NPHP4: variants seen among roughly 807,000 people sequenced by gnomAD.
NPHP4 encodes nephrocystin-4.
NPHP4 carries 151 observed loss-of-function variants against 155.8 expected under a neutral mutation model. The ratio of observed to expected loss-of-function variants is 0.97; its 90% CI spans 0.85 to 1.11. The LOEUF (loss-of-function observed/expected upper bound fraction) is 1.11, where lower values mean the gene tolerates loss of function less well. NPHP4 is among the 50% of genes least tolerant of loss of function. The probability of loss-of-function intolerance (pLI) is 0.00; values close to 1 mark genes in which losing one functional copy is unlikely to be tolerated. For missense variants in NPHP4, 1,956 were observed against 1,925.7 expected (o/e 1.02, Z -0.29); for synonymous variants, 845 against 816.8 (o/e 1.03, Z -0.59).
Position 5,933,264 on chromosome 1 carries a change from G to A in NPHP4, c.1185C>T (p.Asn395=), listed in dbSNP as rs769432822. 6.2e-6 allele frequency: 10 copies of A among 1,613,676 alleles called. No homozygotes were observed. The highest frequency in any genetic ancestry group is 3.3e-4 in the Middle Eastern group (2 of 6,042). The change falls in exon 10 of 30, where the codon AAC becomes AAT. Residue 395 remains asparagine (N), a synonymous_variant. Transcript: ENST00000378156. ...TTCCAGAATCAGCTTCCAGCAAGGG[G>A]TTCCAAACAGCCCAGCGGACCATGT... is the stretch of plus-strand genomic sequence containing the variant. ...CMHMVRWAVW[N]PLLEADSGRV... is the part of the protein sequence containing the mutation.
chr1:5,914,823 C>A (rs889455022), intron 11 of NPHP4, among the ~76,000 whole-genome samples: 2 of 152,180 alleles, frequency 1.3e-5, no homozygotes, highest in African/African-American at 4.8e-5. Flanking sequence ...TGGAGGCCAA[C>A]GTGTCCTTTC....
chr1:5,868,577 TAC>T (rs1249171626), intron 23 of NPHP4, among the ~76,000 whole-genome samples: 3 of 129,420 alleles, frequency 2.3e-5, no homozygotes, highest in African/African-American at 8.9e-5. Flanking sequence ...CCCATACACA[TAC>T]ACATACATGC....
chr1:5,936,607 A>T (rs1646554208), intron 9 of NPHP4, among the ~76,000 whole-genome samples: 1 of 152,256 alleles, frequency 6.6e-6, no homozygotes, highest in African/African-American at 2.4e-5. Flanking sequence ...ACAAATACAC[A>T]AAAGACAAAA....
intron 11 of NPHP4, among the ~76,000 whole-genome samples, 162 bp downstream of exon 11, chr1:5,927,487 G>A (rs546285768): frequency 6.6e-6 from 1 of 152,252 alleles, no homozygotes; most frequent in South Asian, 2.1e-4. Flanking sequence ...CTACACCTTG[G>A]TATTAAGCAA....
chr1:5,870,895 A>G (rs1287627), intron 23 of NPHP4, among the ~76,000 whole-genome samples: 46,034 of 152,154 alleles, frequency 0.3, 7,732 homozygotes, highest in South Asian at 0.41. Flanking sequence ...CATGGGCAGC[A>G]GGCTGGTGGG....
chr1:5,969,547 G>C (rs750631745), intron 3 of NPHP4, among the ~76,000 whole-genome samples: 6 of 152,156 alleles, frequency 3.9e-5, no homozygotes, highest in African/African-American at 9.7e-5. Flanking sequence ...CCATTCCCTA[G>C]GAATTCCACC....
chr1:5,926,939 G>T lies in NPHP4; in HGVS notation c.1441+710C>A, dbSNP rs139897549. ...ACCTTCAGTGGTGAGAGCTCCAGAC[G>T]CCTAGAGCCAAGGCCCCATACTCAT... On this transcript the variant is annotated intron_variant, in intron 11 of 29. Coordinates refer to ENST00000378156, the MANE Select transcript of NPHP4 (RefSeq NM_015102.5). 5.7e-3 allele frequency among the ~76,000 whole-genome samples: 866 copies of T among 152,282 alleles called. 10 individuals carry two copies. The highest frequency in any genetic ancestry group is 0.019 in the African/African-American group (771 of 41,546).
At chr1:5,969,355 G>A (rs796412823) in intron 3 of NPHP4, 96 bp from the exon 4 acceptor site, 43 of 700,628 alleles carry the variant, frequency 6.1e-5, no homozygotes, top group African/African-American at 2.5e-4. Flanking sequence ...CTTCCTACAC[G>A]TGCCACAGCA....
At position 5,919,050 on chromosome 1, in the gene NPHP4, A is replaced by G. The variant is rs915691507; in HGVS notation, c.1441+8599T>C. On this transcript the variant is annotated intron_variant, in intron 11 of 29. Transcript: ENST00000378156. ...CAGCTAACAATCTGTGCGTATCAAC[A>G]AAGTCTCATTAGAACACAGCCACGT... 9.2e-5 allele frequency among the ~76,000 whole-genome samples: 14 copies of G among 152,238 alleles called. No individual in the cohort carries two copies. In the East Asian group the frequency reaches 2.3e-3, roughly 25 times the overall value.
intron 9 of NPHP4, among the ~76,000 whole-genome samples, chr1:5,945,857 C>T (rs896090574): frequency 6.6e-6 from 1 of 152,130 alleles, no homozygotes; most frequent in Non-Finnish European, 1.5e-5. Context: ...ATCCCTAAGT[C>T]CTAAATTGCG....
At chr1:5,873,973 T>C in intron 22 of NPHP4, 1 of 210,486 alleles carries the variant, frequency 4.8e-6, no homozygotes, top group Non-Finnish European at 9.5e-6. Flanking sequence ...ACCTCACATA[T>C]CGCCCCTGCA....
intron 16 of NPHP4, among the ~76,000 whole-genome samples, chr1:5,897,486 G>T (rs184166445): frequency 2.0e-5 from 3 of 152,204 alleles, no homozygotes. Flanking sequence ...AAGTGTTCAT[G>T]CTGAGATCCA....
intron 5 of NPHP4, among the ~76,000 whole-genome samples, chr1:5,963,936 C>T (rs1245435926): frequency 1.3e-5 from 2 of 152,170 alleles, no homozygotes; most frequent in Non-Finnish European, 1.5e-5. Context: ...GATCTGCCTG[C>T]CTTGGCCTCC....
intron 5 of NPHP4, among the ~76,000 whole-genome samples, chr1:5,963,561 G>T (rs570618522): frequency 6.6e-6 from 1 of 152,064 alleles, no homozygotes. Flanking sequence ...AGGAGAAATA[G>T]GAAAAGACTC....
At chr1:5,888,538 T>G in intron 17 of NPHP4, 9 of 1,346,898 alleles carry the variant, frequency 6.7e-6, no homozygotes, top group Non-Finnish European at 8.8e-6. Context: ...CTACACTGCA[T>G]ACGATCACTG....
Position 5,933,322 on chromosome 1 carries a change from G to A in NPHP4, c.1127C>T (p.Ser376Leu), listed in dbSNP as rs372414566. The change falls in exon 10 of 30, where the codon TCG (serine) becomes TTG (leucine). Residue 376 changes from serine (S) to leucine (L), a missense_variant. Ser to Leu is a moderately radical substitution (Grantham distance 145, BLOSUM62 -2). Transcript: ENST00000378156. ...TGCCAGGTTGGACAGAGAGGTGACCGAAGCTGCCTAGAATTAAAACAAAGC... is the reference window on the plus strand; with the variant it reads ...TGCCAGGTTGGACAGAGAGGTGACCAAAGCTGCCTAGAATTAAAACAAAGC... The part of the protein sequence containing the change: ...SPAGVDGNAA[S>L]VTSLSNLACM... 83 of 1,612,298 alleles carry A rather than the reference G, an allele frequency of 5.1e-5. No homozygotes were observed. In the African/African-American group the frequency reaches 7.1e-4, roughly 14 times the overall value.
chr1:5,986,442 C>G (rs1358180877), intron 1 of NPHP4, 115 bp from the exon 2 acceptor site: 12 of 820,290 alleles, frequency 1.5e-5, no homozygotes, highest in Non-Finnish European at 2.2e-5. Flanking sequence ...CCCCCAAACC[C>G]ACACTCTGCA....
intron 5 of NPHP4, among the ~76,000 whole-genome samples, chr1:5,962,336 T>C (rs1650482997): frequency 6.6e-6 from 1 of 152,012 alleles, no homozygotes; most frequent in Non-Finnish European, 1.5e-5. Context: ...TGAGACACCA[T>C]GCCCGGCCTG....
At chr1:5,958,142 G>T (rs1357517924) in intron 6 of NPHP4, among the ~76,000 whole-genome samples, 1 of 152,282 alleles carries the variant, frequency 6.6e-6, no homozygotes, top group African/African-American at 2.4e-5. Flanking sequence ...TTCACTAAAT[G>T]TACTGAACAC....
Sources: gnomAD v4.1 joint callset for allele counts (sites outside exome capture counted in the v4.1 genomes callset) on GRCh38, gnomAD v4.1.1 for gene constraint, MANE v1.5 for transcripts, NCBI Gene and HGNC (gene_info 2026-07-23, HGNC 2026-07-21) for gene names.